Variants in MAGI2 observed in about 807,000 individuals in gnomAD.
MAGI2 encodes membrane-associated guanylate kinase, WW and PDZ domain-containing protein 2.
Under a neutral mutation model 133.3 loss-of-function variants are expected in MAGI2, and 35 were observed. The observed-to-expected ratio is 0.26, with a 90% CI of 0.20 to 0.35. MAGI2 has a LOEUF of 0.35. Ranked by LOEUF, MAGI2 falls within the 10% of genes least tolerant of loss-of-function variation. MAGI2 has a pLI of 1.00. For synonymous variants in MAGI2, 729 were observed against 710.6 expected (o/e 1.03, Z -0.41); for missense variants, 1,636 against 1,863.4 (o/e 0.88, Z 2.25).
intron 2 of MAGI2, among the ~76,000 whole-genome samples, chr7:78,739,345 G>A (rs1417280359): frequency 1.3e-5 from 2 of 152,188 alleles, no homozygotes; most frequent in African/African-American, 2.4e-5. Flanking sequence ...AGCTGGCAGC[G>A]TGATAGAAAC....
At chr7:79,245,231 T>G (rs10273845) in intron 1 of MAGI2, among the ~76,000 whole-genome samples, 85,992 of 151,960 alleles carry the variant, frequency 0.57, 26,105 homozygotes, top group Non-Finnish European at 0.68. Context: ...GGGACTCCTT[T>G]TGTTTGAGAA....
intron 1 of MAGI2, among the ~76,000 whole-genome samples, chr7:79,280,951 A>G (rs1835593212): frequency 6.8e-6 from 1 of 147,494 alleles, no homozygotes; most frequent in Non-Finnish European, 1.5e-5. Context: ...AAAAAAAAAA[A>G]AAAAAAAAAA....
At chr7:78,264,889 C>CT (rs1793847916) in intron 9 of MAGI2, among the ~76,000 whole-genome samples, 1 of 152,076 alleles carries the variant, frequency 6.6e-6, no homozygotes, top group African/African-American at 2.4e-5. Flanking sequence ...AGTGATAAGC[C>CT]TATCGGGGCT....
chr7:78,524,220 G>T (rs1050066864), intron 3 of MAGI2, among the ~76,000 whole-genome samples: 1 of 152,108 alleles, frequency 6.6e-6, no homozygotes, highest in African/African-American at 2.4e-5. Flanking sequence ...GGGCCTCCCC[G>T]GGTAGAAAGA....
chr7:78,702,933 T>G (rs1382303357), intron 2 of MAGI2, among the ~76,000 whole-genome samples: 2 of 76,360 alleles, frequency 2.6e-5, no homozygotes, highest in Admixed American at 2.8e-4. Context: ...TAAGTGACTG[T>G]TGAGTCATGG....
At chr7:78,647,841 T>C (rs1811061828) in intron 2 of MAGI2, among the ~76,000 whole-genome samples, 1 of 152,158 alleles carries the variant, frequency 6.6e-6, no homozygotes, top group African/African-American at 2.4e-5. Flanking sequence ...TTCATGTCCT[T>C]TGCAGGGACA....
At chr7:78,894,487 A>C (rs1297708617) in intron 2 of MAGI2, among the ~76,000 whole-genome samples, 1 of 152,216 alleles carries the variant, frequency 6.6e-6, no homozygotes, top group African/African-American at 2.4e-5. Context: ...AGGAAAAATA[A>C]TTAGTCTTCA....
chr7:79,363,764 G>C (rs67038446), intron 1 of MAGI2, among the ~76,000 whole-genome samples: 1 of 150,312 alleles, frequency 6.7e-6, no homozygotes, highest in Non-Finnish European at 1.5e-5. Flanking sequence ...AATCAACAGA[G>C]GGAAGAGACA....
chr7:79,175,269 T>C (rs541364450), intron 1 of MAGI2, among the ~76,000 whole-genome samples: 5 of 152,098 alleles, frequency 3.3e-5, no homozygotes, highest in African/African-American at 1.2e-4. Flanking sequence ...GTGGAGATTA[T>C]AGGTAATTTT....
intron 16 of MAGI2, chr7:78,158,500 T>C (rs566881745): frequency 1.8e-4 from 27 of 152,308 alleles, no homozygotes; most frequent in African/African-American, 5.8e-4. Context: ...GTTCATCTAC[T>C]TCTCCTCCCT....
At chr7:78,298,266 C>T (rs770771181) in intron 9 of MAGI2, among the ~76,000 whole-genome samples, 7 of 152,004 alleles carry the variant, frequency 4.6e-5, no homozygotes, top group African/African-American at 1.2e-4. Flanking sequence ...AGGAGTCTAA[C>T]GAGACATGAC....
intron 2 of MAGI2, among the ~76,000 whole-genome samples, chr7:78,915,386 T>G (rs564542423): frequency 7.9e-5 from 12 of 152,246 alleles, no homozygotes; most frequent in African/African-American, 2.9e-4. Flanking sequence ...GGCATTGAGT[T>G]CCAGAGAGTG....
intron 2 of MAGI2, among the ~76,000 whole-genome samples, chr7:78,985,367 T>G (rs527959304): frequency 1.3e-5 from 2 of 152,104 alleles, no homozygotes; most frequent in African/African-American, 4.8e-5. Flanking sequence ...GAATCAATTA[T>G]ACAGTTCAAT....
intron 2 of MAGI2, among the ~76,000 whole-genome samples, chr7:78,645,114 G>T (rs1162070501): frequency 6.7e-6 from 1 of 149,810 alleles, no homozygotes; most frequent in African/African-American, 2.4e-5. Flanking sequence ...GTGTGTGCGT[G>T]TGTGTGTGTG....
intron 1 of MAGI2, among the ~76,000 whole-genome samples, chr7:79,451,919 A>C (rs1849288629): frequency 1.3e-5 from 2 of 152,214 alleles, no homozygotes; most frequent in Admixed American, 6.5e-5. Flanking sequence ...ATTCTACTTA[A>C]AGTTGTCCTC....
At chr7:78,715,985 T>A (rs186272403) in intron 2 of MAGI2, among the ~76,000 whole-genome samples, 56 of 152,284 alleles carry the variant, frequency 3.7e-4, no homozygotes, top group African/African-American at 1.2e-3. Context: ...TCAACACTCA[T>A]ACCTAAAACC....
intron 20 of MAGI2, among the ~76,000 whole-genome samples, chr7:78,087,970 G>A (rs1816808428): frequency 6.6e-6 from 1 of 152,114 alleles, no homozygotes; most frequent in Non-Finnish European, 1.5e-5. Context: ...AAAATTATCG[G>A]CCTAAGAATA....
chr7:78,168,168 T>G (rs1825798490), intron 14 of MAGI2, 60 bp from the exon 15 acceptor site: 1 of 1,529,512 alleles, frequency 6.5e-7, no homozygotes. Context: ...CTTTTTTTTT[T>G]TTTTCGAAAC....
At chr7:79,368,802 T>C (rs992580369) in intron 1 of MAGI2, among the ~76,000 whole-genome samples, 11 of 140,308 alleles carry the variant, frequency 7.8e-5, no homozygotes, top group African/African-American at 2.4e-4. Flanking sequence ...GAGCCGAGAT[T>C]GTGCCACTGC....
Sources: allele counts gnomAD v4.1 joint callset (sites outside exome capture counted in the v4.1 genomes callset), GRCh38; gene constraint gnomAD v4.1.1; transcripts MANE v1.5; gene names NCBI Gene and HGNC (gene_info 2026-07-23, HGNC 2026-07-21).